Variants in MIGA2 observed in about 807,000 individuals in gnomAD.
MIGA2 encodes mitoguardin 2, also known as family with sequence similarity 73, member B.
MIGA2 carries 36 observed loss-of-function variants against 69.9 expected under a neutral mutation model. The observed-to-expected ratio is 0.52, with a 90% CI of 0.39 to 0.68. MIGA2 has a LOEUF of 0.68. Among genes scored for constraint, MIGA2 ranks in the 30% least tolerant of loss-of-function variants. MIGA2 has a pLI of 0.00. For missense variants in MIGA2, 660 were observed against 787.7 expected (o/e 0.84, Z 1.94); for synonymous variants, 333 against 349.2 (o/e 0.95, Z 0.52).
chr9:129,059,187 C>T lies in MIGA2; in HGVS notation c.709C>T (p.Leu237=). ...ACAGCGGAAGGAGTTTGCAGAGAAG[C>T]TGGAGTCCCTGCTGCACCGTGCCTA... is the stretch of plus-strand genomic sequence containing the variant. ...ESQRKEFAEK[L]ESLLHRAYHL... is the part of the protein sequence containing the mutation. The change falls in exon 7 of 16, where the codon CTG becomes TTG. Residue 237 remains leucine (L), a synonymous_variant. Transcript: ENST00000684074. The surrounding 1 kb of genome is among the most constrained non-coding windows in gnomAD (Gnocchi z 5.6). 1.9e-6 allele frequency: 3 copies of T among 1,613,208 alleles called. No homozygotes were observed. The highest frequency in any genetic ancestry group is 2.5e-6 in the Non-Finnish European group (3 of 1,179,570).
At chr9:129,048,372 C>T (rs1287882007) in intron 3 of MIGA2, 55 bp from the exon 4 acceptor site, 8 of 1,408,286 alleles carry the variant, frequency 5.7e-6, no homozygotes, top group African/African-American at 4.2e-5. Flanking sequence ...GGGGGCAGCC[C>T]GTGTAAAGGC....
At chr9:129,052,496 G>A (rs1043746950) in intron 6 of MIGA2, among the ~76,000 whole-genome samples, 3 of 151,772 alleles carry the variant, frequency 2.0e-5, no homozygotes, top group Non-Finnish European at 4.4e-5. Flanking sequence ...AATTTTTGTG[G>A]CCAGGCACGG....
At chr9:129,048,388 G>T in intron 3 of MIGA2, 39 bp from the exon 4 acceptor site, 1 of 1,545,222 alleles carries the variant, frequency 6.5e-7, no homozygotes, top group Non-Finnish European at 8.9e-7. Flanking sequence ...AAGGCCACAG[G>T]GGATGCCTGT....
chr9:129,051,897 C>T (rs1297814055), intron 6 of MIGA2, among the ~76,000 whole-genome samples: 1 of 151,914 alleles, frequency 6.6e-6, no homozygotes, highest in Admixed American at 6.6e-5. Context: ...GCGATCTCGA[C>T]TCACTGCAAG....
In MIGA2 at chr9:129,069,251, C is replaced by G; in HGVS notation, c.1458+122C>G. ...CCTTCACCGCTCACAGTCCTGGCCC[C>G]CTTGTTCCGCCGTTACCTCTCCCTG... On this transcript the variant is annotated intron_variant, in intron 14 of 15. Coordinates refer to ENST00000684074, the MANE Select transcript of MIGA2 (RefSeq NM_001329990.2). This position sits in a 1 kb window ranked among gnomAD's most constrained non-coding sequence, Gnocchi z 4.9. The G allele has an allele frequency of 8.0e-7, 1 of 1,243,176 alleles. No homozygotes were observed. Among genetic ancestry groups the G allele is most frequent in the Non-Finnish European group, 1.2e-6 (1 of 860,710 alleles). 77.0% of individuals were successfully genotyped at this position (1,243,176 alleles called of 1,614,324 possible).
rs77925050 is a variant in MIGA2, at chr9:129,066,424, C to T, written c.1171-1349C>T. ...GCGCAGTGGCTCACGCCTGTAATCC[C>T]GGCACTTTGGGAGGCCAAGGCGGGA... On this transcript the variant is annotated intron_variant, in intron 11 of 15. Coordinates refer to ENST00000684074, the MANE Select transcript of MIGA2 (RefSeq NM_001329990.2). Among the ~76,000 whole-genome samples the T allele has an allele frequency of 2.5e-4, 38 of 152,302 alleles. No homozygotes were observed. In the East Asian group the frequency reaches 6.2e-3, roughly 25 times the overall value.
In MIGA2 at chr9:129,061,924, G is replaced by A. The variant is rs1212395575; in HGVS notation, c.1010+578G>A. 6.6e-6 allele frequency among the ~76,000 whole-genome samples: 1 copy of A among 151,654 alleles called. No homozygotes were observed. The highest frequency in any genetic ancestry group is 1.5e-5 in the Non-Finnish European group (1 of 67,934). ...TCTCTTAGCCTCAGTTTCTTTGTCT[G>A]TGGTTATGTTTAGGCCTCTTCACTA... On this transcript the variant is annotated intron_variant, in intron 9 of 15. Transcript: ENST00000684074. This position sits in a 1 kb window ranked among gnomAD's most constrained non-coding sequence, Gnocchi z 5.0.
intron 3 of MIGA2, 130 bp from the exon 4 acceptor site, chr9:129,048,297 T>C: frequency 1.3e-6 from 1 of 793,760 alleles, no homozygotes; most frequent in Non-Finnish European, 2.2e-6. Context: ...GGCCCCTCTG[T>C]TCCCCTGACT....
chr9:129,068,323 C>A lies in MIGA2; in HGVS notation c.1395C>A (p.Phe465Leu), dbSNP rs1389667238. The part of the protein sequence containing the change: ...VLRNRWLSDS[F>L]KETALATACW... ...GGAACCGCTGGCTGTCAGACAGCTT[C>A]AAGGAGACGGTGGGTCACTGCCCTG... is the stretch of plus-strand genomic sequence containing the variant. Residue 465 changes from phenylalanine to leucine, a missense_variant, in exon 13 of 16, where the codon TTC (phenylalanine) becomes TTA (leucine). Physicochemically the swap from Phe to Leu is conservative, Grantham distance 22 (BLOSUM62 0). Transcript: ENST00000684074. This position sits in a 1 kb window ranked among gnomAD's most constrained non-coding sequence, Gnocchi z 4.1. 1 of 1,604,788 alleles carries A rather than the reference C, an allele frequency of 6.2e-7. No individual in the cohort carries two copies. Among genetic ancestry groups the A allele is most frequent in the Non-Finnish European group, 8.5e-7 (1 of 1,178,496 alleles).
chr9:129,037,413 G>A (rs1844651637), intron 1 of MIGA2, among the ~76,000 whole-genome samples: 1 of 152,182 alleles, frequency 6.6e-6, no homozygotes, highest in African/African-American at 2.4e-5. Flanking sequence ...GGCTGCCCAA[G>A]TGGGGCCAGG....
At position 129,067,684 on chromosome 9, in the gene MIGA2, C is replaced by T; in HGVS notation, c.1171-89C>T. 8 of 1,204,846 alleles carry T rather than the reference C, an allele frequency of 6.6e-6. No individual in the cohort carries two copies. The South Asian group carries it at 1.1e-4, about 16-fold the overall frequency. The allele number at this position is 1,204,846 out of a possible 1,614,324, so 74.6% of individuals were successfully genotyped here. On this transcript the variant is annotated intron_variant, in intron 11 of 15. Coordinates refer to ENST00000684074, the MANE Select transcript of MIGA2 (RefSeq NM_001329990.2). ...CCTGCTGCGTGGGGATGGGCCCCAGCCGTGCCTTGGCATGTCCCCCATCCA... is the reference window on the plus strand; with the variant it reads ...CCTGCTGCGTGGGGATGGGCCCCAGTCGTGCCTTGGCATGTCCCCCATCCA...
At chr9:129,055,431 T>G (rs1845745524) in intron 6 of MIGA2, among the ~76,000 whole-genome samples, 1 of 152,166 alleles carries the variant, frequency 6.6e-6, no homozygotes, top group Non-Finnish European at 1.5e-5. Context: ...CTACATATAT[T>G]TTATGTATTT....
intron 1 of MIGA2, among the ~76,000 whole-genome samples, chr9:129,038,738 G>A (rs1053723811): frequency 1.3e-5 from 2 of 151,576 alleles, no homozygotes; most frequent in African/African-American, 2.4e-5. Context: ...AGGTGAGGCT[G>A]GGGGGAAGGT....
intron 15 of MIGA2, 127 bp downstream of exon 15, chr9:129,070,092 C>A: frequency 8.2e-7 from 1 of 1,224,042 alleles, no homozygotes; most frequent in Non-Finnish European, 1.2e-6. Flanking sequence ...GAGCCAGACC[C>A]ACATGGGTCC....
chr9:129,061,422 G>A lies in MIGA2; in HGVS notation c.1010+76G>A, dbSNP rs1400150959. 8 of 1,345,714 alleles carry A rather than the reference G, an allele frequency of 5.9e-6. No homozygotes were observed. In the Admixed American group the frequency reaches 6.0e-5, roughly 10 times the overall value. 83.4% of individuals were successfully genotyped at this position (1,345,714 alleles called of 1,614,324 possible). ...TCTGGCCCTTGCGGGAGGCGGAGAA[G>A]CCAGCGGTGCTTGGCGAGGACTTAG... On this transcript the variant is annotated intron_variant, in intron 9 of 15. Transcript: ENST00000684074. This position sits in a 1 kb window ranked among gnomAD's most constrained non-coding sequence, Gnocchi z 5.0.
intron 2 of MIGA2, 105 bp from the exon 3 acceptor site, chr9:129,042,199 C>T (rs1388281871): frequency 1.5e-5 from 17 of 1,130,052 alleles, no homozygotes; most frequent in South Asian, 5.8e-5. Context: ...GCAGATGTGC[C>T]GGAGAGCCGG....
rs181323094 is a variant in MIGA2, at chr9:129,048,820, C to T, written c.420+281C>T. On this transcript the variant is annotated intron_variant, in intron 4 of 15. Coordinates refer to ENST00000684074, the MANE Select transcript of MIGA2 (RefSeq NM_001329990.2). The stretch of plus-strand genomic sequence containing the variant: ...TTCATTCATCAGCCACTGACAAGCA[C>T]CTGCGTTATACCAGGGACTCTGTCA... Among the ~76,000 whole-genome samples, 479 of 152,292 alleles carry T rather than the reference C, an allele frequency of 3.1e-3. 2 individuals are homozygous for T. Among genetic ancestry groups the T allele is most frequent in the Non-Finnish European group, 5.2e-3 (354 of 68,012 alleles).
Position 129,071,072 on chromosome 9 carries a change from C to T in MIGA2, c.*619C>T, listed in dbSNP as rs927948795. ...GACAGTGTCCTTTGACATTCCCTCG[C>T]CCTACCAAAGATCGTCTTTTCTCCT... On this transcript the variant is annotated 3_prime_UTR_variant, in exon 16 of 16. Coordinates refer to ENST00000684074, the MANE Select transcript of MIGA2 (RefSeq NM_001329990.2). 1 of 152,688 alleles carries T rather than the reference C, an allele frequency of 6.5e-6. No individual in the cohort carries two copies. Among genetic ancestry groups the T allele is most frequent in the Non-Finnish European group, 1.5e-5 (1 of 68,154 alleles). 9.5% of individuals were successfully genotyped at this position (152,688 alleles called of 1,614,324 possible). A position where few individuals can be genotyped will look rare whatever the true frequency, so the allele number is the denominator to read the frequency against.
At chr9:129,049,071 A>G (rs1224253154) in intron 4 of MIGA2, among the ~76,000 whole-genome samples, 1 of 152,176 alleles carries the variant, frequency 6.6e-6, no homozygotes, top group African/African-American at 2.4e-5. Flanking sequence ...CAAGGGGTAG[A>G]GGAGCCCCGG....
Sources: gnomAD v4.1 joint callset for allele counts (sites outside exome capture counted in the v4.1 genomes callset) on GRCh38, gnomAD v4.1.1 for gene constraint, Gnocchi (gnomAD v3.1) non-coding constraint, MANE v1.5 for transcripts, NCBI Gene and HGNC (gene_info 2026-07-23, HGNC 2026-07-21) for gene names.